USP12: variants seen among roughly 807,000 people sequenced by gnomAD.
The protein encoded by USP12 is ubiquitin carboxyl-terminal hydrolase 12.
In USP12, 19 loss-of-function variants were observed where a neutral mutation model predicts 45.5. The observed-to-expected ratio is 0.42, with a 90% CI of 0.29 to 0.61. USP12 has a LOEUF of 0.61. Among genes scored for constraint, USP12 ranks in the 20% least tolerant of loss-of-function variants. The probability of loss-of-function intolerance (pLI) is 0.22; values close to 1 mark genes in which losing one functional copy is unlikely to be tolerated. For missense variants in USP12, 242 were observed against 447.7 expected, an observed-to-expected ratio of 0.54 and a Z score of 4.15; for synonymous variants, 149 against 148.8, an observed-to-expected ratio of 1.00 and a Z score of -0.01.
chr13:27,169,961 T>C (rs1247118567), intron 1 of USP12: 1 of 189,568 alleles, frequency 5.3e-6, no homozygotes, highest in Middle Eastern at 1.8e-3. Context: ...GACAATGAAC[T>C]ATGACCCATA....
At chr13:27,141,413 C>T (rs1877048401) in intron 1 of USP12, among the ~76,000 whole-genome samples, 6 of 152,114 alleles carry the variant, frequency 3.9e-5, no homozygotes, top group Admixed American at 3.9e-4. Context: ...CACATAGAAT[C>T]GGCATCTTGG....
At chr13:27,086,557 C>T (rs1874057817) in intron 6 of USP12, among the ~76,000 whole-genome samples, 1 of 152,000 alleles carries the variant, frequency 6.6e-6, no homozygotes, top group African/African-American at 2.4e-5. Flanking sequence ...ATACATTCTT[C>T]ATGTATTTTC....
chr13:27,148,707 A>C (rs570451455), intron 1 of USP12, among the ~76,000 whole-genome samples: 117 of 146,024 alleles, frequency 8.0e-4, no homozygotes, highest in African/African-American at 2.9e-3. Flanking sequence ...AAATAATAAT[A>C]ACAGCACAAA....
At chr13:27,122,503 CT>C (rs1876041317) in intron 1 of USP12, among the ~76,000 whole-genome samples, 1 of 149,944 alleles carries the variant, frequency 6.7e-6, no homozygotes, top group Admixed American at 6.6e-5. Context: ...ATACAAAAAA[CT>C]AGCCAGGCAT....
chr13:27,109,813 A>G (rs903095220), intron 2 of USP12, among the ~76,000 whole-genome samples: 17 of 150,778 alleles, frequency 1.1e-4, no homozygotes, highest in African/African-American at 4.1e-4. Flanking sequence ...GGAGGCTGAG[A>G]CAGGAGAATC....
chr13:27,073,321 G>A (rs1873331651), intron 7 of USP12, among the ~76,000 whole-genome samples: 1 of 152,220 alleles, frequency 6.6e-6, no homozygotes, highest in African/African-American at 2.4e-5. Flanking sequence ...ACATCTCTCT[G>A]CAATTTTCTG....
chr13:27,116,436 T>C, intron 2 of USP12, 80 bp downstream of exon 2: 1 of 1,306,382 alleles, frequency 7.7e-7, no homozygotes, highest in Non-Finnish European at 1.0e-6. Flanking sequence ...CAATTTTCCT[T>C]TAATAACTTA....
chr13:27,073,031 G>A (rs1241672481), intron 7 of USP12, among the ~76,000 whole-genome samples: 1 of 152,228 alleles, frequency 6.6e-6, no homozygotes, highest in Non-Finnish European at 1.5e-5. Flanking sequence ...TACATCCTAA[G>A]AGAGTACATA....
chr13:27,148,106 G>A (rs1282055845), intron 1 of USP12, among the ~76,000 whole-genome samples: 3 of 149,180 alleles, frequency 2.0e-5, no homozygotes, highest in Non-Finnish European at 3.0e-5. Context: ...TCCAGACTGG[G>A]CAACAGAGCG....
At chr13:27,079,974 T>C (rs578025902) in intron 6 of USP12, among the ~76,000 whole-genome samples, 12 of 152,258 alleles carry the variant, frequency 7.9e-5, no homozygotes, top group African/African-American at 2.9e-4. Context: ...AGAAAGACAC[T>C]AAGGTGACTC....
At chr13:27,096,713 A>G (rs1247191865) in intron 3 of USP12, among the ~76,000 whole-genome samples, 4 of 152,214 alleles carry the variant, frequency 2.6e-5, no homozygotes, top group Admixed American at 2.6e-4. Flanking sequence ...ACCATGCCAC[A>G]CACAAAGTAA....
chr13:27,119,714 C>A (rs1875898505), intron 1 of USP12, among the ~76,000 whole-genome samples: 1 of 152,204 alleles, frequency 6.6e-6, no homozygotes, highest in South Asian at 2.1e-4. Context: ...TCTAAGACAA[C>A]CAATATATGC....
rs1256448880 is a variant in USP12 at position 27,085,396 on chromosome 13, G to T, written c.734+4487C>A. 1.3e-5 allele frequency among the ~76,000 whole-genome samples: 2 copies of T among 152,164 alleles called. 1 individual carries two copies. Among genetic ancestry groups the T allele is most frequent in the Middle Eastern group, 6.8e-3 (2 of 294 alleles). ...GGGTTTTAGCATATTGGCCAGGCTG[G>T]TCTTGAACTCCTGACCTCAGGTGAT... On this transcript the variant is annotated intron_variant, in intron 6 of 8. Transcript: ENST00000282344.
chr13:27,098,304 A>G (rs900605167), intron 3 of USP12, among the ~76,000 whole-genome samples: 2 of 152,278 alleles, frequency 1.3e-5, no homozygotes, highest in Admixed American at 6.5e-5. Flanking sequence ...CAAGTGACGA[A>G]CAAGGATAAT....
chr13:27,082,392 G>A (rs1873799649), intron 6 of USP12, among the ~76,000 whole-genome samples: 1 of 152,178 alleles, frequency 6.6e-6, no homozygotes, highest in Admixed American at 6.5e-5. Flanking sequence ...GACAGGCCCT[G>A]GTTTTAGATT....
chr13:27,093,996 C>T (rs1279472640), intron 4 of USP12, among the ~76,000 whole-genome samples: 2 of 152,104 alleles, frequency 1.3e-5, no homozygotes, highest in South Asian at 2.1e-4. Context: ...GGAGACTTTA[C>T]AGGACTCTTA....
chr13:27,095,950 T>C, intron 3 of USP12, 120 bp from the exon 4 acceptor site: 1 of 688,652 alleles, frequency 1.5e-6, no homozygotes, highest in Non-Finnish European at 2.2e-6. Context: ...ACAATGTTTT[T>C]GTAATGTATA....
At chr13:27,126,992 A>T (rs1419184120) in intron 1 of USP12, among the ~76,000 whole-genome samples, 1 of 152,168 alleles carries the variant, frequency 6.6e-6, no homozygotes, top group African/African-American at 2.4e-5. Flanking sequence ...CTTTCAAAAA[A>T]CACAGTCCTG....
At chr13:27,160,962 C>A (rs1878080112) in intron 1 of USP12, among the ~76,000 whole-genome samples, 1 of 152,096 alleles carries the variant, frequency 6.6e-6, no homozygotes, top group Admixed American at 6.5e-5. Context: ...ATCCTCCCCA[C>A]AGGCCCCAGT....
Sources: allele counts gnomAD v4.1 joint callset (sites outside exome capture counted in the v4.1 genomes callset), GRCh38; gene constraint gnomAD v4.1.1; transcripts MANE v1.5; gene names NCBI Gene and HGNC (gene_info 2026-07-23, HGNC 2026-07-21).